Variants in OR8B2 observed in about 807,000 individuals in gnomAD.
OR8B2 encodes the protein olfactory receptor 8B2.
For synonymous variants in OR8B2, 98 were observed against 138.2 expected (o/e 0.71, Z 2.04); for missense variants, 304 against 379.6 (o/e 0.80, Z 1.65).
upstream of OR8B2, among the ~76,000 whole-genome samples, chr11:124,385,826 T>A (rs891546837): frequency 2.2e-4 from 33 of 151,794 alleles, no homozygotes; most frequent in African/African-American, 7.8e-4. Context: ...GGATAGGGGG[T>A]CTCACTATGT....
intron 1 of OR8B2, among the ~76,000 whole-genome samples, chr11:124,383,615 T>G (rs1341271261): frequency 1.3e-5 from 2 of 152,194 alleles, no homozygotes; most frequent in Non-Finnish European, 2.9e-5. Flanking sequence ...GGCACAGGCC[T>G]ACCTGCTGTT....
At chr11:124,384,554 A>C (rs1425049994), upstream of OR8B2, 1 of 152,200 alleles carries the variant, frequency 6.6e-6, no homozygotes, top group Non-Finnish European at 1.5e-5. Flanking sequence ...TCTGGGAATC[A>C]TTCTGAGGTG....
At chr11:124,395,623 C>G in the OR8B2 span, 3 of 152,062 alleles carry the variant, frequency 2.0e-5, no homozygotes, top group Non-Finnish European at 4.4e-5. Flanking sequence ...AGGAACTACA[C>G]GCTTTTTTCA....
At chr11:124,392,732 A>G in the OR8B2 span, among the ~76,000 whole-genome samples, 1 of 143,332 alleles carries the variant, frequency 7.0e-6, no homozygotes, top group Non-Finnish European at 1.5e-5. Flanking sequence ...CAAGCTACCA[A>G]TGACTTTCTT....
At chr11:124,394,628 C>CAT in the OR8B2 span, among the ~76,000 whole-genome samples, 10 of 152,142 alleles carry the variant, frequency 6.6e-5, no homozygotes, top group African/African-American at 2.2e-4. Context: ...CCCACCCACC[C>CAT]TGCTGAGTCA....
Position 124,383,053 on chromosome 11 carries a change from G to C in OR8B2, c.291C>G (p.Cys97Trp). 6.2e-7 allele frequency: 1 copy of C among 1,613,930 alleles called. No individual in the cohort carries two copies. Among genetic ancestry groups the C allele is most frequent in the East Asian group, 2.2e-5 (1 of 44,888 alleles). The change falls in exon 2 of 2, where the codon TGC becomes TGG. Residue 97 changes from cysteine (C) to tryptophan (W), a missense_variant. Cys to Trp is a radical substitution (Grantham distance 215). Coordinates refer to ENST00000641451, the MANE Select transcript of OR8B2 (RefSeq NM_001005468.2). Reference protein sequence around the residue: ...SKKNIISNVGCMTRLFFFLFF... With the variant: ...SKKNIISNVGWMTRLFFFLFF... ...AGAGAAAGAAAAACAGCCGAGTCAT[G>C]CACCCAACATTGGAGATAATATTCT...
chr11:124,392,585 T>G, the OR8B2 span, among the ~76,000 whole-genome samples: 1 of 80,106 alleles, frequency 1.2e-5, no homozygotes. Flanking sequence ...CAAGGAGAAC[T>G]ACAAACCACT....
At chr11:124,397,082 A>T in the OR8B2 span, 1 of 1,613,932 alleles carries the variant, frequency 6.2e-7, no homozygotes, top group Non-Finnish European at 8.5e-7. Context: ...AGGAGATAAT[A>T]TTCTTTTTTG....
Position 124,383,237 on chromosome 11 carries a change from A to ATG in OR8B2, c.105_106dup (p.Ile36ThrfsTer6), listed in dbSNP as rs748742226. The ATG allele has an allele frequency of 1.9e-6, 3 of 1,613,976 alleles. No individual in the cohort carries two copies. Among genetic ancestry groups the ATG allele is most frequent in the Non-Finnish European group, 2.5e-6 (3 of 1,179,854 alleles). Reference sequence around the variant, plus strand: ...GCCAAGGTTGCCTACCATGGTGACAATGTAGATCACTAGAAACAGGAAAAA... The same window carrying ATG: ...GCCAAGGTTGCCTACCATGGTGACAATGTGTAGATCACTAGAAACAGGAAAAA... On this transcript the variant is annotated frameshift_variant, in exon 2 of 2. Coordinates refer to ENST00000641451, the MANE Select transcript of OR8B2 (RefSeq NM_001005468.2). LOFTEE classifies it low-confidence loss of function (END_TRUNC).
the OR8B2 span, among the ~76,000 whole-genome samples, chr11:124,393,742 A>T: frequency 6.6e-6 from 1 of 152,094 alleles, no homozygotes; most frequent in Non-Finnish European, 1.5e-5. Context: ...TGACCCAGCC[A>T]TCCCAATACT....
the OR8B2 span, among the ~76,000 whole-genome samples, chr11:124,394,065 T>C: frequency 8.0e-6 from 1 of 124,680 alleles, no homozygotes; most frequent in Admixed American, 1.0e-4. Flanking sequence ...TGAGAACACA[T>C]GGACACAAGA....
At chr11:124,390,407 G>T in the OR8B2 span, among the ~76,000 whole-genome samples, 1 of 152,146 alleles carries the variant, frequency 6.6e-6, no homozygotes, top group Non-Finnish European at 1.5e-5. Flanking sequence ...GGAAGAAGAA[G>T]AATTATCTTA....
chr11:124,389,722 G>A, the OR8B2 span, among the ~76,000 whole-genome samples: 1 of 152,132 alleles, frequency 6.6e-6, no homozygotes, highest in African/African-American at 2.4e-5. Flanking sequence ...GCTCTGACAC[G>A]AGGGTTTGAC....
Position 124,382,730 on chromosome 11 carries a change from G to A in OR8B2, c.614C>T (p.Thr205Ile), listed in dbSNP as rs470625. ...NEVVVLIVVG[T>I]NITVPSCTIL... ...GGTACAACTGGGTACCGTGATATTA[G>A]TACCCACAACAATGAGAACAACCAC... Residue 205 changes from threonine to isoleucine, a missense_variant, in exon 2 of 2, where the codon ACT becomes ATT. Physicochemically the swap from Thr to Ile is moderately conservative, Grantham distance 89. Coordinates refer to ENST00000641451, the MANE Select transcript of OR8B2 (RefSeq NM_001005468.2). The A allele has an allele frequency of 7.3e-5, 118 of 1,613,562 alleles. 1 individual carries two copies. The highest frequency in any genetic ancestry group is 3.3e-4 in the Middle Eastern group (2 of 6,050).
At chr11:124,391,657 A>G in the OR8B2 span, among the ~76,000 whole-genome samples, 2 of 152,188 alleles carry the variant, frequency 1.3e-5, no homozygotes, top group African/African-American at 4.8e-5. Context: ...GACCAGATGG[A>G]TTCACAGCCG....
the OR8B2 span, among the ~76,000 whole-genome samples, chr11:124,390,594 G>A: frequency 6.6e-6 from 1 of 152,086 alleles, no homozygotes; most frequent in African/African-American, 2.4e-5. Flanking sequence ...TCATTTGTCT[G>A]TTTATTAAAT....
At chr11:124,384,080 T>G (rs1418896192) in intron 1 of OR8B2, among the ~76,000 whole-genome samples, 2 of 152,198 alleles carry the variant, frequency 1.3e-5, no homozygotes, top group Non-Finnish European at 2.9e-5. Flanking sequence ...TTTACCAAAC[T>G]GGTATTTTTA....
chr11:124,386,788 A>G (rs1435578270), upstream of OR8B2, among the ~76,000 whole-genome samples: 4 of 152,114 alleles, frequency 2.6e-5, no homozygotes, highest in African/African-American at 9.7e-5. Context: ...TGGGATGGCT[A>G]GGTCAGATGG....
At chr11:124,385,692 G>A (rs676563), upstream of OR8B2, among the ~76,000 whole-genome samples, 49,025 of 149,120 alleles carry the variant, frequency 0.33, 8,120 homozygotes, top group African/African-American at 0.4. Flanking sequence ...GTGCAGTGGT[G>A]CAATCACAGC....
Sources: gnomAD v4.1 joint callset for allele counts (sites outside exome capture counted in the v4.1 genomes callset) on GRCh38, gnomAD v4.1.1 for gene constraint, MANE v1.5 for transcripts, NCBI Gene and HGNC (gene_info 2026-07-23, HGNC 2026-07-21) for gene names.